BOC: variants seen among roughly 807,000 people sequenced by gnomAD.
BOC encodes brother of CDO.
A neutral mutation model predicts 112.0 loss-of-function variants in BOC; 76 were observed. The observed-to-expected ratio is 0.68, with a 90% CI of 0.56 to 0.82. The LOEUF is 0.82. Ranked by LOEUF, BOC falls within the 40% of genes least tolerant of loss-of-function variation. The pLI is 0.00. For missense variants in BOC, 1,309 were observed against 1,511.7 expected (o/e 0.87, Z 2.22); for synonymous variants, 580 against 599.8 (o/e 0.97, Z 0.48).
rs1448073288 is a variant in BOC at position 113,278,418 on chromosome 3, G to T, written c.1705+161G>T. ...CTTGTGGTTTGTGTGCTAGGCTGAGGTCCCAGCTCTCATCAGGAGAGTAGC... is the reference window on the plus strand; with the variant it reads ...CTTGTGGTTTGTGTGCTAGGCTGAGTTCCCAGCTCTCATCAGGAGAGTAGC... On this transcript the variant is annotated intron_variant, in intron 10 of 19. Transcript: ENST00000682979. This position sits in a 1 kb window ranked among gnomAD's most constrained non-coding sequence, Gnocchi z 4.2. 2.0e-5 allele frequency among the ~76,000 whole-genome samples: 3 copies of T among 151,970 alleles called. No homozygotes were observed. The highest frequency in any genetic ancestry group is 4.1e-4 in the South Asian group (2 of 4,824).
intron 2 of BOC, among the ~76,000 whole-genome samples, chr3:113,229,430 G>A (rs1381596215): frequency 1.3e-5 from 2 of 152,094 alleles, no homozygotes; most frequent in Non-Finnish European, 2.9e-5. Flanking sequence ...TCTACCTTAG[G>A]GCCATCCTAT....
chr3:113,237,484 T>C (rs1047072806), intron 2 of BOC, among the ~76,000 whole-genome samples: 4 of 152,198 alleles, frequency 2.6e-5, no homozygotes, highest in Non-Finnish European at 5.9e-5. Flanking sequence ...CTAGATTAGA[T>C]TCTCCTGCAG....
At chr3:113,234,783 G>A (rs2201971) in intron 2 of BOC, among the ~76,000 whole-genome samples, 40,937 of 152,080 alleles carry the variant, frequency 0.27, 6,046 homozygotes, top group East Asian at 0.51. Context: ...AGAGTGCCTT[G>A]TTTTTACTGC....
chr3:113,279,576 C>A, intron 12 of BOC, 121 bp downstream of exon 12: 1 of 975,874 alleles, frequency 1.0e-6, no homozygotes, highest in Non-Finnish European at 1.5e-6. Flanking sequence ...ACCAGCATGC[C>A]TCCATGTTGC....
rs1948421650 is a variant in BOC at position 113,274,096 on chromosome 3, G to C, written c.1235-279G>C. Among the ~76,000 whole-genome samples, 1 of 152,198 alleles carries C rather than the reference G, an allele frequency of 6.6e-6. No individual in the cohort carries two copies. The highest frequency in any genetic ancestry group is 2.4e-5 in the African/African-American group (1 of 41,440). On this transcript the variant is annotated intron_variant, in intron 8 of 19. Coordinates refer to ENST00000682979, the MANE Select transcript of BOC (RefSeq NM_001378074.1). The surrounding 1 kb of genome is among the most constrained non-coding windows in gnomAD (Gnocchi z 4.8). The stretch of plus-strand genomic sequence containing the variant: ...GGGAGAAAATTGAGTTAGTTCACTG[G>C]AGATGCACCTCACGTGGATTCAGGA...
Position 113,250,875 on chromosome 3 carries a change from C to T in BOC, c.376+42C>T, listed in dbSNP as rs1371173068. 3.7e-6 allele frequency: 6 copies of T among 1,604,978 alleles called. No individual in the cohort carries two copies. The African/African-American group carries it at 4.0e-5, about 11-fold the overall frequency. ...GCCTCCCTGCCATGGTGCGGTCCCT[C>T]CTCATCTCTCCCACCCTGAAGCCCC... On this transcript the variant is annotated intron_variant, in intron 4 of 19. Transcript: ENST00000682979.
At chr3:113,212,695 T>G (rs1350313731) in intron 1 of BOC, 1 of 150,424 alleles carries the variant, frequency 6.6e-6, no homozygotes, top group African/African-American at 2.5e-5. Flanking sequence ...GTGAAAGAGG[T>G]GTGTGTGTGT....
chr3:113,241,793 A>G (rs1018184090), intron 2 of BOC, among the ~76,000 whole-genome samples: 2 of 152,192 alleles, frequency 1.3e-5, no homozygotes, highest in Non-Finnish European at 2.9e-5. Context: ...ATTGAAGGCC[A>G]GTGGCTTGAC....
chr3:113,286,652 G>A (rs751219652), intron 19 of BOC, 23 bp from the exon 20 acceptor site: 8 of 1,537,848 alleles, frequency 5.2e-6, no homozygotes, highest in East Asian at 2.4e-5. Flanking sequence ...GATTTTAATG[G>A]TTCCTACTCT....
chr3:113,236,912 T>C (rs1449141516), intron 2 of BOC, among the ~76,000 whole-genome samples: 1 of 152,232 alleles, frequency 6.6e-6, no homozygotes, highest in Non-Finnish European at 1.5e-5. Context: ...CTAACTTTTT[T>C]AAATAGCTCA....
At chr3:113,242,845 G>A (rs1944473827) in intron 2 of BOC, among the ~76,000 whole-genome samples, 2 of 152,106 alleles carry the variant, frequency 1.3e-5, no homozygotes, top group African/African-American at 2.4e-5. Flanking sequence ...TGGGGTGCAA[G>A]TGCCAAGGGG....
chr3:113,217,717 T>G (rs1939722819), intron 2 of BOC, among the ~76,000 whole-genome samples: 1 of 152,186 alleles, frequency 6.6e-6, no homozygotes. Flanking sequence ...CAGTGAATGG[T>G]AGGCCTAAGT....
At chr3:113,232,018 T>C (rs1344288859) in intron 2 of BOC, among the ~76,000 whole-genome samples, 1 of 152,174 alleles carries the variant, frequency 6.6e-6, no homozygotes, top group South Asian at 2.1e-4. Context: ...GGCTGTGCTG[T>C]GTGTACCTGG....
chr3:113,240,244 G>A lies in BOC; in HGVS notation c.-81-9478G>A, dbSNP rs1368762363. 2.0e-5 allele frequency among the ~76,000 whole-genome samples: 3 copies of A among 152,162 alleles called. No individual in the cohort carries two copies. The East Asian group carries it at 5.8e-4, about 29-fold the overall frequency. On this transcript the variant is annotated intron_variant, in intron 2 of 19. Coordinates refer to ENST00000682979, the MANE Select transcript of BOC (RefSeq NM_001378074.1). ...AGGGAATGTGGAATGTATCAAGCTTGGAAGGCAAAAAACAACAACAACGAG... is the reference window on the plus strand; with the variant it reads ...AGGGAATGTGGAATGTATCAAGCTTAGAAGGCAAAAAACAACAACAACGAG...
Position 113,222,322 on chromosome 3 carries a change from A to G in BOC, c.-82+6048A>G. 1.3e-5 allele frequency among the ~76,000 whole-genome samples: 2 copies of G among 152,176 alleles called. 1 individual carries two copies. The highest frequency in any genetic ancestry group is 1.3e-4 in the Admixed American group (2 of 15,282). On this transcript the variant is annotated intron_variant, in intron 2 of 19. Coordinates refer to ENST00000682979, the MANE Select transcript of BOC (RefSeq NM_001378074.1). ...TTGCTAGTTTGCAGGCCTTTTCTGA[A>G]TCTCAAAAGCGATGTAATAGGAGTT... is the stretch of plus-strand genomic sequence containing the variant.
chr3:113,277,213 G>A (rs2107695977), intron 9 of BOC, among the ~76,000 whole-genome samples: 1 of 152,336 alleles, frequency 6.6e-6, no homozygotes, highest in Admixed American at 6.5e-5. Flanking sequence ...GTCTAGAGAG[G>A]CCAGGCATTT....
chr3:113,278,678 C>A lies in BOC; in HGVS notation c.1711C>A (p.Arg571=). 1 of 1,560,178 alleles carries A rather than the reference C, an allele frequency of 6.4e-7. No homozygotes were observed. The highest frequency in any genetic ancestry group is 2.4e-5 in the East Asian group (1 of 41,620). ...TAMVTFRTGR[R]PKPEIMASKE... The stretch of plus-strand genomic sequence containing the variant: ...TACAACCCATTTCCACCCAGGACGG[C>A]GGCCCAAACCCGAGATCATGGCCAG... Residue 571 remains arginine (R), a synonymous_variant, in exon 11 of 20, where the codon CGG becomes AGG. Coordinates refer to ENST00000682979, the MANE Select transcript of BOC (RefSeq NM_001378074.1). The surrounding 1 kb of genome is among the most constrained non-coding windows in gnomAD (Gnocchi z 4.2).
intron 14 of BOC, 79 bp from the exon 15 acceptor site, chr3:113,280,952 G>T (rs547052702): frequency 1.3e-6 from 2 of 1,570,354 alleles, no homozygotes; most frequent in Admixed American, 3.4e-5. Context: ...CACTGCCCCA[G>T]CTGAGTCTGA....
At chr3:113,255,264 G>A (rs563702161) in intron 4 of BOC, among the ~76,000 whole-genome samples, 2 of 152,124 alleles carry the variant, frequency 1.3e-5, no homozygotes, top group East Asian at 3.9e-4. Flanking sequence ...GCTCTACACA[G>A]CTCAGCTGTT....
Sources: gnomAD v4.1 joint callset for allele counts (sites outside exome capture counted in the v4.1 genomes callset) on GRCh38, gnomAD v4.1.1 for gene constraint, Gnocchi (gnomAD v3.1) non-coding constraint, MANE v1.5 for transcripts, NCBI Gene and HGNC (gene_info 2026-07-23, HGNC 2026-07-21) for gene names.